Variants in SPARC observed in about 807,000 individuals in gnomAD.
The protein encoded by SPARC is basement-membrane protein 40.
In SPARC, 23 loss-of-function variants were observed where a neutral mutation model predicts 37.7. The observed-to-expected ratio is 0.61, with a 90% confidence interval of 0.44 to 0.87. The LOEUF is 0.87. SPARC is among the 40% of genes least tolerant of loss of function. The pLI is 0.00. For missense variants in SPARC, 312 were observed against 389.0 expected, an observed-to-expected ratio of 0.80 and a Z score of 1.66; for synonymous variants, 155 against 150.8, an observed-to-expected ratio of 1.03 and a Z score of -0.20.
At position 151,661,629 on chromosome 5, in the gene SPARC, T is replaced by C. The variant is rs898220699; in HGVS notation, c.*1942A>G. On this transcript the variant is annotated 3_prime_UTR_variant, in exon 10 of 10. Coordinates refer to ENST00000231061, the MANE Select transcript of SPARC (RefSeq NM_003118.4). ...AGCTCAAAATACGACACTAACATGA[T>C]GAACATGCATGAGCTTTGAAAAGTG... is the stretch of plus-strand genomic sequence containing the variant. 8 of 152,178 alleles carry C rather than the reference T, an allele frequency of 5.3e-5. No individual in the cohort carries two copies. The highest frequency in any genetic ancestry group is 1.9e-4 in the African/African-American group (8 of 41,440). 9.4% of individuals were successfully genotyped at this position (152,178 alleles called of 1,614,324 possible). A position where few individuals can be genotyped will look rare whatever the true frequency, so the allele number is the denominator to read the frequency against.
intron 1 of SPARC, among the ~76,000 whole-genome samples, chr5:151,683,757 A>G (rs1231709197): frequency 1.3e-5 from 2 of 152,202 alleles, no homozygotes; most frequent in African/African-American, 4.8e-5. Context: ...GAATTTTCAC[A>G]TTCATTGAGA....
At chr5:151,663,644 A>G in intron 9 of SPARC, 45 bp from the exon 10 acceptor site, 1 of 1,605,900 alleles carries the variant, frequency 6.2e-7, no homozygotes, top group East Asian at 2.2e-5. Flanking sequence ...GGCTGTGTCG[A>G]TGATAACGCA....
At chr5:151,663,985 C>T in intron 9 of SPARC, 102 bp downstream of exon 9, 6 of 1,411,168 alleles carry the variant, frequency 4.3e-6, no homozygotes, top group South Asian at 2.4e-5. Context: ...AGAGGACAGA[C>T]AACAGACAGA....
Position 151,674,192 on chromosome 5 carries a change from T to C in SPARC, c.120+420A>G, listed in dbSNP as rs180965560. On this transcript the variant is annotated intron_variant, in intron 3 of 9. Transcript: ENST00000231061. ...ACGCCCAGCTAATTTTTTGTATTTTTAGTAGAGACAGGGTTTCACCATGTT... is the reference window on the plus strand; with the variant it reads ...ACGCCCAGCTAATTTTTTGTATTTTCAGTAGAGACAGGGTTTCACCATGTT... Among the ~76,000 whole-genome samples, 18 of 152,196 alleles carry C rather than the reference T, an allele frequency of 1.2e-4. No individual in the cohort carries two copies. The East Asian group carries it at 1.4e-3, about 11-fold the overall frequency.
intron 4 of SPARC, among the ~76,000 whole-genome samples, chr5:151,672,441 C>G (rs1760767871): frequency 6.6e-6 from 1 of 152,202 alleles, no homozygotes; most frequent in East Asian, 1.9e-4. Flanking sequence ...CCATCTTCAT[C>G]AGCCCCATAT....
Position 151,662,662 on chromosome 5 carries a change from T to G in SPARC, c.*909A>C, listed in dbSNP as rs1760535822. ...AAGGAGGAACATGCTAAAAACCTTA[T>G]GACAATCATCCAAATGTGAGGAAAG... On this transcript the variant is annotated 3_prime_UTR_variant, in exon 10 of 10. Coordinates refer to ENST00000231061, the MANE Select transcript of SPARC (RefSeq NM_003118.4). 1 of 152,612 alleles carries G rather than the reference T, an allele frequency of 6.6e-6. No homozygotes were observed. The highest frequency in any genetic ancestry group is 1.5e-5 in the Non-Finnish European group (1 of 68,040). 9.5% of individuals were successfully genotyped at this position (152,612 alleles called of 1,614,324 possible).
chr5:151,662,605 A>C lies in SPARC; in HGVS notation c.*966T>G, dbSNP rs931827447. Reference sequence around the variant, plus strand: ...CCCATTAACTTTGAAGTTTCTCTTGATTAATAGAAGAAAAAAGGGGAGGGT... The same window carrying C: ...CCCATTAACTTTGAAGTTTCTCTTGCTTAATAGAAGAAAAAAGGGGAGGGT... On this transcript the variant is annotated 3_prime_UTR_variant, in exon 10 of 10. Coordinates refer to ENST00000231061, the MANE Select transcript of SPARC (RefSeq NM_003118.4). The C allele has an allele frequency of 1.3e-5, 2 of 152,628 alleles. No homozygotes were observed. The highest frequency in any genetic ancestry group is 2.9e-5 in the Non-Finnish European group (2 of 68,036). The allele number at this position is 152,628 out of a possible 1,614,324, so 9.5% of individuals were successfully genotyped here.
chr5:151,669,879 G>A, intron 5 of SPARC, 95 bp from the exon 6 acceptor site: 1 of 1,503,210 alleles, frequency 6.7e-7, no homozygotes, highest in Non-Finnish European at 9.1e-7. Context: ...GACACTGAGG[G>A]TTAAGCAAGG....
rs1258257321 is a variant in SPARC, at chr5:151,662,960, C to T, written c.*611G>A. On this transcript the variant is annotated 3_prime_UTR_variant, in exon 10 of 10. Coordinates refer to ENST00000231061, the MANE Select transcript of SPARC (RefSeq NM_003118.4). ...AAGGAGGAAATGGTGATGAACTGGG[C>T]TTATGTGAGAATGTCTATATTTTCA... The T allele has an allele frequency of 6.6e-6, 1 of 152,332 alleles. No individual in the cohort carries two copies. The highest frequency in any genetic ancestry group is 2.4e-5 in the African/African-American group (1 of 41,466). The allele number at this position is 152,332 out of a possible 1,614,324, so 9.4% of individuals were successfully genotyped here.
intron 3 of SPARC, among the ~76,000 whole-genome samples, chr5:151,674,408 A>G (rs1049778450): frequency 1.3e-5 from 2 of 152,172 alleles, no homozygotes; most frequent in African/African-American, 4.8e-5. Context: ...CTGGTCCCCA[A>G]ACGTAGGGTT....
At chr5:151,684,707 T>G (rs1424451368) in intron 1 of SPARC, among the ~76,000 whole-genome samples, 2 of 152,024 alleles carry the variant, frequency 1.3e-5, no homozygotes, top group Non-Finnish European at 2.9e-5. Flanking sequence ...ATGCCACAAT[T>G]CGCAAAGTGC....
chr5:151,664,107 C>G lies in SPARC; in HGVS notation c.863G>C (p.Gly288Ala). The stretch of plus-strand genomic sequence containing the variant: ...CTCACTCTGCTTGATGCCGAAGCAG[C>G]CGGCCCACTCATCCAGGGCGATGTA... ...DKYIALDEWA[G>A]CFGIKQKDID... Residue 288 changes from glycine to alanine, a missense_variant, in exon 9 of 10, where the codon GGC becomes GCC. Coordinates refer to ENST00000231061, the MANE Select transcript of SPARC (RefSeq NM_003118.4). The G allele has an allele frequency of 1.2e-6, 2 of 1,614,196 alleles. No homozygotes were observed. Among genetic ancestry groups the G allele is most frequent in the South Asian group, 2.2e-5 (2 of 91,082 alleles).
intron 7 of SPARC, among the ~76,000 whole-genome samples, chr5:151,666,863 TA>T (rs1410366787): frequency 1.3e-5 from 2 of 152,216 alleles, no homozygotes; most frequent in African/African-American, 2.4e-5. Flanking sequence ...CCATCTCTAC[TA>T]AAAATACAAA....
At chr5:151,679,895 G>A (rs1437212099) in intron 1 of SPARC, 4 of 152,212 alleles carry the variant, frequency 2.6e-5, no homozygotes, top group East Asian at 3.9e-4. Context: ...CTTAGGATGT[G>A]AAGCAAAGAA....
chr5:151,675,953 A>G (rs896784167), intron 2 of SPARC, among the ~76,000 whole-genome samples, 179 bp downstream of exon 2: 10 of 151,924 alleles, frequency 6.6e-5, no homozygotes, highest in African/African-American at 2.2e-4. Flanking sequence ...TGATACCTCC[A>G]CCCAATGGTC....
intron 1 of SPARC, among the ~76,000 whole-genome samples, chr5:151,677,500 A>T (rs1449766966): frequency 6.6e-6 from 1 of 152,192 alleles, no homozygotes; most frequent in East Asian, 1.9e-4. Context: ...AAAAATACTC[A>T]GCTTGAAATT....
intron 1 of SPARC, chr5:151,684,936 T>A (rs1581534547): frequency 6.6e-6 from 1 of 152,214 alleles, no homozygotes; most frequent in East Asian, 1.9e-4. Flanking sequence ...TCCTGAGAGA[T>A]CACAAGGGCA....
At chr5:151,668,351 C>T (rs940023765) in intron 6 of SPARC, among the ~76,000 whole-genome samples, 3 of 152,064 alleles carry the variant, frequency 2.0e-5, no homozygotes, top group African/African-American at 7.2e-5. Flanking sequence ...CAAGGTTTTG[C>T]CACGTTGCCC....
At position 151,671,877 on chromosome 5, in the gene SPARC, G is replaced by T. The variant is rs563520004; in HGVS notation, c.209-183C>A. The stretch of plus-strand genomic sequence containing the variant: ...CAGTCAACATTTAGGGCAGCAGCTG[G>T]TTCAGCCTGGGGATTAGAGGTTTAG... On this transcript the variant is annotated intron_variant, in intron 4 of 9. Coordinates refer to ENST00000231061, the MANE Select transcript of SPARC (RefSeq NM_003118.4). The T allele has an allele frequency of 5.2e-4, 356 of 683,530 alleles. 2 individuals carry two copies. The African/African-American group carries it at 6.2e-3, about 12-fold the overall frequency. 42.3% of individuals were successfully genotyped at this position (683,530 alleles called of 1,614,324 possible).
Sources: allele counts gnomAD v4.1 joint callset (sites outside exome capture counted in the v4.1 genomes callset), GRCh38; gene constraint gnomAD v4.1.1; transcripts MANE v1.5; gene names NCBI Gene and HGNC (gene_info 2026-07-23, HGNC 2026-07-21).